Variants in PIK3AP1 observed in about 807,000 individuals in gnomAD.
The protein encoded by PIK3AP1 is phosphoinositide 3-kinase adapter protein 1.
A neutral mutation model predicts 88.1 loss-of-function variants in PIK3AP1; 21 were observed. The observed-to-expected ratio is 0.24, with a 90% CI of 0.17 to 0.34. PIK3AP1 has a LOEUF of 0.34. Among genes scored for constraint, PIK3AP1 ranks in the 10% least tolerant of loss-of-function variants. PIK3AP1 has a pLI of 1.00. For synonymous variants in PIK3AP1, 398 were observed against 400.0 expected (o/e 1.00, Z 0.06); for missense variants, 828 against 1,035.7 (o/e 0.80, Z 2.75).
At chr10:96,614,897 G>A (rs906129831) in intron 13 of PIK3AP1, among the ~76,000 whole-genome samples, 3 of 152,256 alleles carry the variant, frequency 2.0e-5, no homozygotes, top group African/African-American at 7.2e-5. Context: ...GGAGCTTCTA[G>A]TGGAAGGGAG....
At position 96,675,403 on chromosome 10, in the gene PIK3AP1, C is replaced by T. The variant is rs141891208; in HGVS notation, c.431-18469G>A. 3.0e-4 allele frequency among the ~76,000 whole-genome samples: 45 copies of T among 152,218 alleles called. No individual in the cohort carries two copies. The East Asian group carries it at 5.0e-3, about 17-fold the overall frequency. ...GGCCACTGGCAAATCTTGCGTCTTC[C>T]GGAAATGGGCCTAGTATCCCTGCCA... On this transcript the variant is annotated intron_variant, in intron 2 of 16. Coordinates refer to ENST00000339364, the MANE Select transcript of PIK3AP1 (RefSeq NM_152309.3).
intron 16 of PIK3AP1, among the ~76,000 whole-genome samples, chr10:96,601,672 C>G (rs1473164101): frequency 1.3e-5 from 2 of 152,044 alleles, no homozygotes; most frequent in Non-Finnish European, 2.9e-5. Context: ...AGGCACTGTC[C>G]CTACAGTCCA....
At chr10:96,676,657 T>A (rs948355014) in intron 2 of PIK3AP1, among the ~76,000 whole-genome samples, 93 of 148,350 alleles carry the variant, frequency 6.3e-4, no homozygotes, top group African/African-American at 1.6e-3. Context: ...TTCTGGGGTT[T>A]TTTTTTTTTT....
At chr10:96,665,055 C>T (rs955575621) in intron 2 of PIK3AP1, among the ~76,000 whole-genome samples, 1 of 151,130 alleles carries the variant, frequency 6.6e-6, no homozygotes, top group African/African-American at 2.4e-5. Flanking sequence ...TCCTGAGACT[C>T]GAATAATAAT....
intron 2 of PIK3AP1, among the ~76,000 whole-genome samples, chr10:96,665,283 T>C (rs1394519873): frequency 6.6e-6 from 1 of 152,216 alleles, no homozygotes; most frequent in East Asian, 1.9e-4. Flanking sequence ...AAATACTCCT[T>C]GAATTCTATG....
At chr10:96,704,455 C>A (rs1444331353) in intron 2 of PIK3AP1, among the ~76,000 whole-genome samples, 2 of 152,144 alleles carry the variant, frequency 1.3e-5, no homozygotes, top group East Asian at 3.9e-4. Context: ...CGGTGGCTCA[C>A]GCCTGTAATC....
chr10:96,667,263 C>T (rs868286710), intron 2 of PIK3AP1, among the ~76,000 whole-genome samples: 8 of 152,172 alleles, frequency 5.3e-5, no homozygotes, highest in African/African-American at 1.7e-4. Flanking sequence ...ACTCAGTTGG[C>T]GCTCTGGAAG....
chr10:96,648,019 C>G lies in PIK3AP1; in HGVS notation c.1185+640G>C, dbSNP rs574637608. On this transcript the variant is annotated intron_variant, in intron 7 of 16. Transcript: ENST00000339364. ...GCCCCAAACCAGATGATCAGATAAACTGGGCATACCTGCCTGTCTTAACAT... is the reference window on the plus strand; with the variant it reads ...GCCCCAAACCAGATGATCAGATAAAGTGGGCATACCTGCCTGTCTTAACAT... Among the ~76,000 whole-genome samples the G allele has an allele frequency of 5.3e-5, 8 of 152,310 alleles. No homozygotes were observed. The South Asian group carries it at 1.7e-3, about 32-fold the overall frequency.
chr10:96,643,817 G>A (rs560109580), intron 8 of PIK3AP1, among the ~76,000 whole-genome samples: 1 of 152,182 alleles, frequency 6.6e-6, no homozygotes, highest in Non-Finnish European at 1.5e-5. Context: ...GGGCCCTACT[G>A]TCTTCTTTTC....
chr10:96,667,160 G>A (rs1042526638), intron 2 of PIK3AP1, among the ~76,000 whole-genome samples: 2 of 152,216 alleles, frequency 1.3e-5, no homozygotes, highest in Non-Finnish European at 2.9e-5. Flanking sequence ...CCATGCCCTA[G>A]TGGCCTCCAA....
chr10:96,640,726 T>C (rs913380892), intron 8 of PIK3AP1, among the ~76,000 whole-genome samples: 1 of 152,002 alleles, frequency 6.6e-6, no homozygotes, highest in African/African-American at 2.4e-5. Flanking sequence ...GGTGCAGTCA[T>C]GGCTCACTGC....
At chr10:96,668,588 A>G (rs1214259059) in intron 2 of PIK3AP1, among the ~76,000 whole-genome samples, 2 of 152,214 alleles carry the variant, frequency 1.3e-5, no homozygotes, top group Admixed American at 1.3e-4. Context: ...AATCTACTCA[A>G]AAATGGAATT....
At chr10:96,662,860 G>A (rs1409825046) in intron 2 of PIK3AP1, among the ~76,000 whole-genome samples, 1 of 121,988 alleles carries the variant, frequency 8.2e-6, no homozygotes, top group Non-Finnish European at 1.6e-5. Context: ...CCGCAGTCCC[G>A]CCTGGGCGAC....
intron 2 of PIK3AP1, among the ~76,000 whole-genome samples, chr10:96,686,719 A>T (rs1844073721): frequency 1.3e-5 from 2 of 152,010 alleles, no homozygotes; most frequent in Admixed American, 6.6e-5. Flanking sequence ...CAGAGACAGC[A>T]CAGTCAGGTT....
chr10:96,614,855 G>A (rs758540279), intron 13 of PIK3AP1, among the ~76,000 whole-genome samples: 19 of 152,214 alleles, frequency 1.2e-4, no homozygotes, highest in Non-Finnish European at 2.5e-4. Context: ...GGGACTCCAC[G>A]GAGCACACAG....
chr10:96,620,514 T>G lies in PIK3AP1; in HGVS notation c.1779A>C (p.Ile593=). Residue 593 remains isoleucine (I), a synonymous_variant, in exon 12 of 17, where the codon ATA becomes ATC. Transcript: ENST00000339364. Reference sequence around the variant, plus strand: ...TTTTCATTCCCGCAAAAGGGTCATATATACTCGACTGGGGCCTGTCCCTCC... The same window carrying G: ...TTTTCATTCCCGCAAAAGGGTCATAGATACTCGACTGGGGCCTGTCCCTCC... ...RPWRDRPQSS[I]YDPFAGMKTP... The G allele has an allele frequency of 6.2e-7, 1 of 1,613,674 alleles. No individual in the cohort carries two copies. The highest frequency in any genetic ancestry group is 8.5e-7 in the Non-Finnish European group (1 of 1,180,022).
intron 8 of PIK3AP1, among the ~76,000 whole-genome samples, chr10:96,641,542 G>A (rs1307214903): frequency 6.6e-6 from 1 of 152,160 alleles, no homozygotes; most frequent in Non-Finnish European, 1.5e-5. Context: ...TGATAAACGT[G>A]GCAATCTAGA....
At chr10:96,605,235 T>C (rs1256584889) in intron 14 of PIK3AP1, among the ~76,000 whole-genome samples, 1 of 152,220 alleles carries the variant, frequency 6.6e-6, no homozygotes, top group Non-Finnish European at 1.5e-5. Context: ...GTTGGGAATT[T>C]ATCACCTGTA....
chr10:96,604,594 G>A (rs1389618739), intron 14 of PIK3AP1, among the ~76,000 whole-genome samples: 1 of 152,066 alleles, frequency 6.6e-6, no homozygotes, highest in East Asian at 1.9e-4. Flanking sequence ...ACCATTGACT[G>A]AGGGCTTTGA....
Sources: allele counts gnomAD v4.1 joint callset (sites outside exome capture counted in the v4.1 genomes callset), GRCh38; gene constraint gnomAD v4.1.1; transcripts MANE v1.5; gene names NCBI Gene and HGNC (gene_info 2026-07-23, HGNC 2026-07-21).